The following KIRREL3 variants were observed in gnomAD, a reference collection of about 807,000 sequenced individuals.
KIRREL3 encodes kirre like nephrin family adhesion molecule 3.
A neutral mutation model predicts 89.7 loss-of-function variants in KIRREL3; 36 were observed. That is an observed-to-expected ratio of 0.40 (90% CI 0.31 to 0.53). The LOEUF is 0.53. Ranked by LOEUF, KIRREL3 falls within the 20% of genes least tolerant of loss-of-function variation. KIRREL3 has a pLI of 0.49. For missense variants in KIRREL3, 864 were observed against 1,056.6 expected, an observed-to-expected ratio of 0.82 and a Z score of 2.53; for synonymous variants, 445 against 441.4, an observed-to-expected ratio of 1.01 and a Z score of -0.10.
Position 126,686,046 on chromosome 11 carries a change from C to G in KIRREL3, c.56-123134G>C, listed in dbSNP as rs888808502. ...GAAAGGATTGAAAGGATTGTCTACT[C>G]TGGCTCTGTGGGCACTGTTCCTGAG... On this transcript the variant is annotated intron_variant, in intron 1 of 16. Coordinates refer to ENST00000525144, the MANE Select transcript of KIRREL3 (RefSeq NM_032531.4). The surrounding 1 kb of genome is among the most constrained non-coding windows in gnomAD (Gnocchi z 4.7). Among the ~76,000 whole-genome samples the G allele has an allele frequency of 1.3e-5, 2 of 152,238 alleles. No individual in the cohort carries two copies. Among genetic ancestry groups the G allele is most frequent in the Non-Finnish European group, 2.9e-5 (2 of 68,044 alleles).
rs770028154 is a variant in KIRREL3, at chr11:126,877,901, C to T, written c.55+122554G>A. On this transcript the variant is annotated intron_variant, in intron 1 of 16. Coordinates refer to ENST00000525144, the MANE Select transcript of KIRREL3 (RefSeq NM_032531.4). The surrounding 1 kb of genome is among the most constrained non-coding windows in gnomAD (Gnocchi z 4.9). ...ATAATAGGTGCAAAAACAGTTGCAG[C>T]GTGTTAAGGCTGGAACTCCCCCCTA... 3.9e-5 allele frequency among the ~76,000 whole-genome samples: 6 copies of T among 152,082 alleles called. No homozygotes were observed. The highest frequency in any genetic ancestry group is 2.6e-4 in the Admixed American group (4 of 15,276).
intron 1 of KIRREL3, among the ~76,000 whole-genome samples, chr11:126,828,255 C>T (rs900392471): frequency 1.3e-5 from 2 of 152,160 alleles, no homozygotes; most frequent in Non-Finnish European, 2.9e-5. Flanking sequence ...CCCTAGAGGG[C>T]ACATTCTTTT....
At chr11:126,823,595 CTG>C (rs748842518) in intron 1 of KIRREL3, among the ~76,000 whole-genome samples, 9 of 152,182 alleles carry the variant, frequency 5.9e-5, no homozygotes. Context: ...TGGTGGGTCC[CTG>C]CAGTGGGGGA....
rs986575386 is a variant in KIRREL3, at chr11:126,763,723, T to A, written c.56-200811A>T. On this transcript the variant is annotated intron_variant, in intron 1 of 16. Coordinates refer to ENST00000525144, the MANE Select transcript of KIRREL3 (RefSeq NM_032531.4). The surrounding 1 kb of genome is among the most constrained non-coding windows in gnomAD (Gnocchi z 4.7). ...TTTTGAGCCTTTGTTTTCTCACTTG[T>A]GAAATGGGGACAATAGAAACACCCC... 2.6e-5 allele frequency among the ~76,000 whole-genome samples: 4 copies of A among 152,166 alleles called. No individual in the cohort carries two copies. Among genetic ancestry groups the A allele is most frequent in the Non-Finnish European group, 5.9e-5 (4 of 68,042 alleles).
rs1949821990 is a variant in KIRREL3, at chr11:126,985,026, G to A, written c.55+15429C>T. ...GGATAAGAGTTGATTCAGGGAGGAA[G>A]ACCATAATTAATGTGAAAGTGTTCT... On this transcript the variant is annotated intron_variant, in intron 1 of 16. Transcript: ENST00000525144. This position sits in a 1 kb window ranked among gnomAD's most constrained non-coding sequence, Gnocchi z 5.3. 6.6e-6 allele frequency among the ~76,000 whole-genome samples: 1 copy of A among 152,176 alleles called. No homozygotes were observed. The highest frequency in any genetic ancestry group is 2.4e-5 in the African/African-American group (1 of 41,442).
chr11:126,990,645 T>C lies in KIRREL3; in HGVS notation c.55+9810A>G, dbSNP rs575653003. ...CTTGGTGCGGCTTCAGAAGAACAGC[T>C]CCTCTCTGCCTCCGCAGTTGCCCCT... On this transcript the variant is annotated intron_variant, in intron 1 of 16. Coordinates refer to ENST00000525144, the MANE Select transcript of KIRREL3 (RefSeq NM_032531.4). The surrounding 1 kb of genome is among the most constrained non-coding windows in gnomAD (Gnocchi z 6.3). 1.3e-5 allele frequency among the ~76,000 whole-genome samples: 2 copies of C among 152,162 alleles called. No homozygotes were observed. The highest frequency in any genetic ancestry group is 2.9e-5 in the Non-Finnish European group (2 of 68,030).
intron 12 of KIRREL3, among the ~76,000 whole-genome samples, chr11:126,436,095 C>T (rs964525789): frequency 3.3e-5 from 5 of 152,222 alleles, no homozygotes; most frequent in Admixed American, 2.6e-4. Flanking sequence ...AGATCTGAGC[C>T]TCTTTGACCA....
At chr11:126,447,084 G>A (rs944498639) in intron 8 of KIRREL3, among the ~76,000 whole-genome samples, 198 bp from the exon 9 acceptor site, 4 of 152,222 alleles carry the variant, frequency 2.6e-5, no homozygotes, top group Non-Finnish European at 1.5e-5. Context: ...CAGGAAGCAA[G>A]GAGGAGACCA....
intron 1 of KIRREL3, among the ~76,000 whole-genome samples, chr11:126,728,850 T>A (rs991148660): frequency 3.9e-5 from 6 of 152,350 alleles, no homozygotes; most frequent in Middle Eastern, 3.4e-3. Context: ...GGCCTGAGCT[T>A]GCCTCCCTGA....
rs1283754782 is a variant in KIRREL3 at position 126,900,730 on chromosome 11, A to T, written c.55+99725T>A. Among the ~76,000 whole-genome samples the T allele has an allele frequency of 2.0e-5, 3 of 152,206 alleles. No individual in the cohort carries two copies. The highest frequency in any genetic ancestry group is 7.2e-5 in the African/African-American group (3 of 41,458). On this transcript the variant is annotated intron_variant, in intron 1 of 16. Transcript: ENST00000525144. This position sits in a 1 kb window ranked among gnomAD's most constrained non-coding sequence, Gnocchi z 4.4. Reference sequence around the variant, plus strand: ...TCTTTCCTGTAATGATATTTAAGTGATGGGCAAGGGTATCAATGGTTCAGG... The same window carrying T: ...TCTTTCCTGTAATGATATTTAAGTGTTGGGCAAGGGTATCAATGGTTCAGG...
Position 126,573,905 on chromosome 11 carries a change from G to A in KIRREL3, c.56-10993C>T, listed in dbSNP as rs561120858. 6.6e-5 allele frequency among the ~76,000 whole-genome samples: 10 copies of A among 152,278 alleles called. No homozygotes were observed. In the East Asian group the frequency reaches 1.2e-3, roughly 18 times the overall value. ...ATCGCTGGGACAGGGTTAAGGTCAA[G>A]ATTGCAGGGGAAGTTTTGTCTGCCT... is the stretch of plus-strand genomic sequence containing the variant. On this transcript the variant is annotated intron_variant, in intron 1 of 16. Transcript: ENST00000525144.
chr11:126,765,267 C>A (rs545377677), intron 1 of KIRREL3, among the ~76,000 whole-genome samples: 4 of 152,166 alleles, frequency 2.6e-5, no homozygotes, highest in African/African-American at 9.7e-5. Context: ...CAATGAGCAA[C>A]CTTCTTAGGT....
rs530331313 is a variant in KIRREL3 at position 126,991,255 on chromosome 11, T to A, written c.55+9200A>T. On this transcript the variant is annotated intron_variant, in intron 1 of 16. Transcript: ENST00000525144. This position sits in a 1 kb window ranked among gnomAD's most constrained non-coding sequence, Gnocchi z 5.8. ...CACTTAGTCAGGTTCTTCTTCTGCC[T>A]CCTGCCAGGGGCCCTCTCAGCATCT... 2.6e-4 allele frequency among the ~76,000 whole-genome samples: 40 copies of A among 152,240 alleles called. No individual in the cohort carries two copies. The highest frequency in any genetic ancestry group is 4.9e-4 in the Non-Finnish European group (33 of 68,002).
rs1418593847 is a variant in KIRREL3 at position 126,994,490 on chromosome 11, C to A, written c.55+5965G>T. On this transcript the variant is annotated intron_variant, in intron 1 of 16. Transcript: ENST00000525144. This position sits in a 1 kb window ranked among gnomAD's most constrained non-coding sequence, Gnocchi z 5.2. ...TATTTAATGTTCATAGTGGTGTTGACTGTGTACGCACTGAAACATTGTATG... is the reference window on the plus strand; with the variant it reads ...TATTTAATGTTCATAGTGGTGTTGAATGTGTACGCACTGAAACATTGTATG... 1.3e-5 allele frequency among the ~76,000 whole-genome samples: 2 copies of A among 152,200 alleles called. No homozygotes were observed. Among genetic ancestry groups the A allele is most frequent in the African/African-American group, 4.8e-5 (2 of 41,438 alleles).
Position 126,668,758 on chromosome 11 carries a change from T to TTCTCTTTCTTTC in KIRREL3, c.56-105858_56-105847dup, listed in dbSNP as rs1945803675. Among the ~76,000 whole-genome samples the TTCTCTTTCTTTC allele has an allele frequency of 1.5e-5, 2 of 132,692 alleles. No homozygotes were observed. Among genetic ancestry groups the TTCTCTTTCTTTC allele is most frequent in the African/African-American group, 5.5e-5 (2 of 36,414 alleles). 87.1% of individuals were successfully genotyped at this position (132,692 alleles called of 152,430 possible). A position where few individuals can be genotyped will look rare whatever the true frequency, so the allele number is the denominator to read the frequency against. Reference sequence around the variant, plus strand: ...CTTTCTTTCTTTCTTTCTTTCTTTTTTCTCTTTCTTTCTTTCAAAAAAGTT... The same window carrying TTCTCTTTCTTTC: ...CTTTCTTTCTTTCTTTCTTTCTTTTTTCTCTTTCTTTCTCTCTTTCTTTCTTTCAAAAAAGTT... On this transcript the variant is annotated intron_variant, in intron 1 of 16. Transcript: ENST00000525144. The surrounding 1 kb of genome is among the most constrained non-coding windows in gnomAD (Gnocchi z 4.4).
rs185457674 is a variant in KIRREL3 at position 126,708,228 on chromosome 11, A to G, written c.56-145316T>C. Among the ~76,000 whole-genome samples the G allele has an allele frequency of 1.3e-3, 195 of 152,282 alleles. No homozygotes were observed. Among genetic ancestry groups the G allele is most frequent in the African/African-American group, 4.3e-3 (177 of 41,550 alleles). On this transcript the variant is annotated intron_variant, in intron 1 of 16. Transcript: ENST00000525144. The surrounding 1 kb of genome is among the most constrained non-coding windows in gnomAD (Gnocchi z 5.7). ...CCGCTGCTTTTTCCTGGCAGTTTAC[A>G]ATGTTATATTGCTACCAAAGCGGGC...
intron 13 of KIRREL3, among the ~76,000 whole-genome samples, chr11:126,433,607 G>A (rs1271705430): frequency 6.6e-6 from 1 of 152,216 alleles, no homozygotes; most frequent in Non-Finnish European, 1.5e-5. Context: ...AACGGGAGGT[G>A]CTCGCATTGG....
intron 2 of KIRREL3, among the ~76,000 whole-genome samples, chr11:126,538,193 G>A (rs142301798): frequency 8.2e-4 from 125 of 152,358 alleles, no homozygotes; most frequent in African/African-American, 2.9e-3. Context: ...TGGCTTCACA[G>A]CCTCCTGGAG....
In KIRREL3 at chr11:126,484,344, A is replaced by G. The variant is rs1957295403; in HGVS notation, c.434-10878T>C. On this transcript the variant is annotated intron_variant, in intron 4 of 16. Coordinates refer to ENST00000525144, the MANE Select transcript of KIRREL3 (RefSeq NM_032531.4). The surrounding 1 kb of genome is among the most constrained non-coding windows in gnomAD (Gnocchi z 5.2). ...CAGTCATAAAAAAACAGCACCAATA[A>G]TATGAATAATAGCTAACATTGATAT... Among the ~76,000 whole-genome samples the G allele has an allele frequency of 6.6e-6, 1 of 152,230 alleles. No homozygotes were observed. Among genetic ancestry groups the G allele is most frequent in the African/African-American group, 2.4e-5 (1 of 41,442 alleles).
Sources: allele counts gnomAD v4.1 joint callset (sites outside exome capture counted in the v4.1 genomes callset), GRCh38; gene constraint gnomAD v4.1.1; non-coding constraint Gnocchi (gnomAD v3.1); transcripts MANE v1.5; gene names NCBI Gene and HGNC (gene_info 2026-07-23, HGNC 2026-07-21).